Variants in NELL1 observed in about 807,000 individuals in gnomAD.
The protein encoded by NELL1 is protein kinase C-binding protein NELL1.
A neutral mutation model predicts 107.4 loss-of-function variants in NELL1; 76 were observed. The observed-to-expected ratio is 0.71, with a 90% CI of 0.59 to 0.86. The LOEUF (loss-of-function observed/expected upper bound fraction) is 0.86. Among genes scored for constraint, NELL1 ranks in the 40% least tolerant of loss-of-function variants. The pLI, the probability that NELL1 is intolerant of heterozygous loss-of-function variation, is 0.00. For missense variants in NELL1, 1,024 were observed against 1,005.5 expected, an observed-to-expected ratio of 1.02 and a Z score of -0.25; for synonymous variants, 353 against 341.2, an observed-to-expected ratio of 1.03 and a Z score of -0.38.
At chr11:20,924,802 G>A (rs79751432) in intron 7 of NELL1, among the ~76,000 whole-genome samples, 2,471 of 152,248 alleles carry the variant, frequency 0.016, 106 homozygotes, top group East Asian at 0.14. Flanking sequence ...GCCTTGTGTA[G>A]GAACTACTGG....
At chr11:21,142,834 C>G (rs10833466) in intron 13 of NELL1, among the ~76,000 whole-genome samples, 67,875 of 151,904 alleles carry the variant, frequency 0.45, 15,409 homozygotes, top group Non-Finnish European at 0.51. Flanking sequence ...CATGAGATAA[C>G]TAAAAGGATC....
chr11:21,544,529 A>G (rs888156446), intron 16 of NELL1, among the ~76,000 whole-genome samples: 1 of 151,978 alleles, frequency 6.6e-6, no homozygotes, highest in African/African-American at 2.4e-5. Context: ...TAGGTATTTT[A>G]TAGGTATAAT....
chr11:21,106,752 C>T (rs557375719), intron 12 of NELL1, among the ~76,000 whole-genome samples: 111 of 152,170 alleles, frequency 7.3e-4, no homozygotes, highest in Non-Finnish European at 1.2e-3. Context: ...GATTTATATT[C>T]CTAGGTTCTA....
intron 15 of NELL1, among the ~76,000 whole-genome samples, chr11:21,415,980 T>C (rs1008823113): frequency 5.9e-5 from 9 of 152,200 alleles, no homozygotes; most frequent in Non-Finnish European, 1.2e-4. Flanking sequence ...AAAACAACTT[T>C]TAATGCTGTG....
Position 20,975,961 on chromosome 11 carries a change from T to C in NELL1, c.1300+15401T>C, listed in dbSNP as rs897917014. Among the ~76,000 whole-genome samples the C allele has an allele frequency of 7.2e-5, 7 of 97,882 alleles. No homozygotes were observed. The East Asian group carries it at 3.6e-3, about 50-fold the overall frequency. 64.2% of individuals were successfully genotyped at this position (97,882 alleles called of 152,430 possible). ...TATGTGTACATATATGTACATTATA[T>C]ATACATTATATATATTATATCTGTA... is the stretch of plus-strand genomic sequence containing the variant. On this transcript the variant is annotated intron_variant, in intron 12 of 19. Coordinates refer to ENST00000357134, the MANE Select transcript of NELL1 (RefSeq NM_006157.5).
Position 21,404,562 on chromosome 11 carries a change from A to C in NELL1, c.1645+33614A>C, listed in dbSNP as rs78444723. Among the ~76,000 whole-genome samples the C allele has an allele frequency of 8.4e-3, 1,275 of 152,106 alleles. 19 individuals are homozygous for C. Among genetic ancestry groups the C allele is most frequent in the African/African-American group, 0.029 (1,202 of 41,552 alleles). ...GCCTAAAGATATTGTGACTTGCTCA[A>C]GGAGTAAGAGGAATTATAACTTCCC... On this transcript the variant is annotated intron_variant, in intron 15 of 19. Coordinates refer to ENST00000357134, the MANE Select transcript of NELL1 (RefSeq NM_006157.5).
intron 14 of NELL1, among the ~76,000 whole-genome samples, chr11:21,234,105 A>G (rs1590757961): frequency 6.6e-6 from 1 of 152,384 alleles, no homozygotes; most frequent in East Asian, 1.9e-4. Context: ...AGCTATGTGT[A>G]AAGCATATGC....
At chr11:21,064,391 G>T (rs1038314927) in intron 12 of NELL1, among the ~76,000 whole-genome samples, 3 of 152,176 alleles carry the variant, frequency 2.0e-5, no homozygotes, top group Non-Finnish European at 2.9e-5. Flanking sequence ...GATGATAGTA[G>T]TTCAGAACAG....
intron 4 of NELL1, among the ~76,000 whole-genome samples, chr11:20,876,400 C>G (rs1234688883): frequency 6.6e-6 from 1 of 152,218 alleles, no homozygotes; most frequent in Non-Finnish European, 1.5e-5. Flanking sequence ...GTCCTGGTTT[C>G]AGCCCTGTGT....
chr11:20,818,991 T>G (rs1378234989), intron 3 of NELL1, among the ~76,000 whole-genome samples: 1 of 152,210 alleles, frequency 6.6e-6, no homozygotes, highest in Non-Finnish European at 1.5e-5. Context: ...TGTTGGCTGC[T>G]TTGCCAAGAG....
intron 4 of NELL1, among the ~76,000 whole-genome samples, chr11:20,870,481 C>G (rs1477464215): frequency 6.6e-6 from 1 of 151,872 alleles, no homozygotes; most frequent in African/African-American, 2.4e-5. Context: ...GAAGGGGCCA[C>G]CAAGAAAGGA....
At chr11:20,798,547 A>G (rs1857220165) in intron 3 of NELL1, among the ~76,000 whole-genome samples, 1 of 152,246 alleles carries the variant, frequency 6.6e-6, no homozygotes, top group Non-Finnish European at 1.5e-5. Context: ...ATTAGTTGTG[A>G]AACACTTGCA....
chr11:20,677,080 T>A (rs1244086496), intron 1 of NELL1, among the ~76,000 whole-genome samples: 1 of 152,216 alleles, frequency 6.6e-6, no homozygotes, highest in Non-Finnish European at 1.5e-5. Context: ...GGCTCACGGC[T>A]GTATTTCTCT....
intron 5 of NELL1, among the ~76,000 whole-genome samples, chr11:20,899,802 A>G (rs1294654605): frequency 1.3e-5 from 2 of 151,370 alleles, no homozygotes; most frequent in Non-Finnish European, 2.9e-5. Context: ...TTAAAACAGT[A>G]GTAACCATTT....
intron 12 of NELL1, among the ~76,000 whole-genome samples, chr11:20,995,723 A>G (rs956268559): frequency 6.6e-6 from 1 of 152,232 alleles, no homozygotes; most frequent in African/African-American, 2.4e-5. Flanking sequence ...CAATAAGTCA[A>G]TCAACACATA....
intron 2 of NELL1, among the ~76,000 whole-genome samples, chr11:20,706,321 T>A (rs1229740363): frequency 6.6e-6 from 1 of 152,118 alleles, no homozygotes; most frequent in Non-Finnish European, 1.5e-5. Flanking sequence ...ATATACACCA[T>A]GGAATACTAT....
chr11:21,534,594 C>T (rs1856086008), intron 16 of NELL1, 80 bp downstream of exon 16: 3 of 1,441,058 alleles, frequency 2.1e-6, no homozygotes, highest in East Asian at 2.3e-5. Context: ...CTGTTCAGCT[C>T]CCAGTGTTAA....
At chr11:21,031,849 G>A (rs752207680) in intron 12 of NELL1, among the ~76,000 whole-genome samples, 65 of 151,910 alleles carry the variant, frequency 4.3e-4, no homozygotes, top group Non-Finnish European at 8.1e-4. Flanking sequence ...AGGAGTGCGA[G>A]ATCAGCCAAC....
intron 13 of NELL1, among the ~76,000 whole-genome samples, chr11:21,122,161 C>T (rs1855381859): frequency 6.6e-6 from 1 of 152,118 alleles, no homozygotes; most frequent in Non-Finnish European, 1.5e-5. Flanking sequence ...GGAGCTTGCC[C>T]CTAGGGTGTT....
Sources: gnomAD v4.1 joint callset for allele counts (sites outside exome capture counted in the v4.1 genomes callset) on GRCh38, gnomAD v4.1.1 for gene constraint, MANE v1.5 for transcripts, NCBI Gene and HGNC (gene_info 2026-07-23, HGNC 2026-07-21) for gene names.